Variants in PDE1C observed in about 807,000 individuals in gnomAD.
The protein encoded by PDE1C is phosphodiesterase 1C.
PDE1C carries 62 observed loss-of-function variants against 93.1 expected under a neutral mutation model. The observed-to-expected ratio is 0.67, with a 90% CI of 0.54 to 0.82. The LOEUF (loss-of-function observed/expected upper bound fraction) is 0.82, where lower values mean the gene tolerates loss of function less well. Among genes scored for constraint, PDE1C ranks in the 40% least tolerant of loss-of-function variants. The probability of loss-of-function intolerance (pLI) is 0.00; values close to 1 mark genes in which losing one functional copy is unlikely to be tolerated. For synonymous variants in PDE1C, 325 were observed against 310.1 expected (o/e 1.05, Z -0.50); for missense variants, 742 against 884.6 (o/e 0.84, Z 2.04).
chr7:31,848,126 T>G, intron 8 of PDE1C, 30 bp from the exon 9 acceptor site: 2 of 1,607,764 alleles, frequency 1.2e-6, no homozygotes, highest in Non-Finnish European at 1.7e-6. Context: ...AAATTCAGAA[T>G]GTTAAACAGT....
At chr7:31,847,655 G>A (rs1792802561) in intron 9 of PDE1C, among the ~76,000 whole-genome samples, 1 of 151,974 alleles carries the variant, frequency 6.6e-6, no homozygotes, top group Admixed American at 6.6e-5. Flanking sequence ...TGAATTATTT[G>A]ACTCAAACTG....
intron 1 of PDE1C, among the ~76,000 whole-genome samples, chr7:32,257,731 A>C (rs954237717): frequency 6.6e-6 from 1 of 152,194 alleles, no homozygotes; most frequent in African/African-American, 2.4e-5. Flanking sequence ...AATCACTTCA[A>C]TTGTCCAAAC....
chr7:31,829,145 C>G (rs1790068015), intron 11 of PDE1C, among the ~76,000 whole-genome samples: 1 of 152,066 alleles, frequency 6.6e-6, no homozygotes, highest in Admixed American at 6.6e-5. Flanking sequence ...TGTGCTAATT[C>G]ATTTTACTGG....
rs551317191 is a variant in PDE1C at position 31,863,371 on chromosome 7, T to C, written c.750+1571A>G. ...GAGATGATCACATTATTTCACAGAA[T>C]ATATCTTCAACTTTTGAAGATATCA... On this transcript the variant is annotated intron_variant, in intron 7 of 17. Transcript: ENST00000396191. 7.0e-4 allele frequency among the ~76,000 whole-genome samples: 106 copies of C among 152,318 alleles called. 2 individuals are homozygous for C. Among genetic ancestry groups the C allele is most frequent in the African/African-American group, 2.4e-3 (99 of 41,568 alleles).
At chr7:31,837,848 C>T (rs1384806424) in intron 10 of PDE1C, 22 bp downstream of exon 10, 1 of 1,564,448 alleles carries the variant, frequency 6.4e-7, no homozygotes, top group African/African-American at 1.3e-5. Flanking sequence ...CAAACAAAAA[C>T]ACAAGCCACA....
chr7:32,274,711 T>G (rs760402241), intron 1 of PDE1C, among the ~76,000 whole-genome samples: 5 of 152,146 alleles, frequency 3.3e-5, no homozygotes, highest in African/African-American at 1.2e-4. Flanking sequence ...GGGACAAACT[T>G]GAAAGTAGGG....
chr7:31,757,728 A>T (rs1168942111), intron 17 of PDE1C, among the ~76,000 whole-genome samples: 1 of 152,234 alleles, frequency 6.6e-6, no homozygotes, highest in Non-Finnish European at 1.5e-5. Flanking sequence ...CCATTGTGGA[A>T]GACAGTGTGG....
the PDE1C span, among the ~76,000 whole-genome samples, chr7:31,704,751 G>A: frequency 9.2e-5 from 14 of 152,256 alleles, no homozygotes; most frequent in African/African-American, 3.1e-4. Context: ...TGAGGCTCAG[G>A]TAGGTTAAGT....
chr7:31,957,814 T>C (rs933475229), intron 2 of PDE1C, among the ~76,000 whole-genome samples: 1 of 152,034 alleles, frequency 6.6e-6, no homozygotes, highest in Non-Finnish European at 1.5e-5. Context: ...AGGTAGAAAA[T>C]ATCATCTGTT....
At chr7:31,675,147 C>T in the PDE1C span, among the ~76,000 whole-genome samples, 45 of 152,278 alleles carry the variant, frequency 3.0e-4, no homozygotes, top group Middle Eastern at 3.4e-3. Context: ...GCTTTGGTCA[C>T]GGGCTTCAGA....
chr7:31,640,384 A>G, the PDE1C span, among the ~76,000 whole-genome samples: 1 of 152,164 alleles, frequency 6.6e-6, no homozygotes, highest in Non-Finnish European at 1.5e-5. Context: ...GAGACCCTCT[A>G]GAGTTCTCTC....
intron 2 of PDE1C, among the ~76,000 whole-genome samples, chr7:32,177,355 A>C (rs900416058): frequency 6.6e-6 from 1 of 152,146 alleles, no homozygotes; most frequent in Non-Finnish European, 1.5e-5. Flanking sequence ...CCGTGGGTGT[A>C]TTCACCATGT....
intron 1 of PDE1C, among the ~76,000 whole-genome samples, chr7:32,069,987 A>C (rs933364953): frequency 2.0e-5 from 3 of 152,198 alleles, no homozygotes; most frequent in African/African-American, 7.2e-5. Flanking sequence ...CTCCCTGGGC[A>C]AAAAGGATCA....
intron 12 of PDE1C, among the ~76,000 whole-genome samples, chr7:31,827,201 C>T (rs1042739984): frequency 6.6e-6 from 1 of 152,104 alleles, no homozygotes; most frequent in East Asian, 1.9e-4. Flanking sequence ...TTAGAATTTG[C>T]TGACCATACC....
intron 16 of PDE1C, chr7:31,786,961 T>TATC (rs1784064449): frequency 1.0e-5 from 1 of 99,840 alleles, no homozygotes; most frequent in African/African-American, 4.2e-5. Context: ...ATCTATCATC[T>TATC]ATCTATCTAT....
chr7:31,658,700 G>C, the PDE1C span: 1 of 165,894 alleles, frequency 6.0e-6, no homozygotes, highest in South Asian at 1.8e-4. Flanking sequence ...CCCAAACTCA[G>C]CCTCTAATTG....
the PDE1C span, chr7:31,658,727 T>C: frequency 6.2e-6 from 1 of 160,384 alleles, no homozygotes; most frequent in African/African-American, 2.4e-5. Context: ...CTTAAAACAT[T>C]GGCAGATCAG....
chr7:31,631,458 C>T, the PDE1C span, among the ~76,000 whole-genome samples: 145 of 152,232 alleles, frequency 9.5e-4, no homozygotes, highest in Middle Eastern at 3.4e-3. Context: ...CATTTTCTTA[C>T]GTGGTTAGGT....
At chr7:31,697,834 CTAAT>C in the PDE1C span, among the ~76,000 whole-genome samples, 3 of 152,076 alleles carry the variant, frequency 2.0e-5, no homozygotes, top group Non-Finnish European at 2.9e-5. Flanking sequence ...AATTAACTGA[CTAAT>C]ATAATAGAGA....
Sources: gnomAD v4.1 joint callset for allele counts (sites outside exome capture counted in the v4.1 genomes callset) on GRCh38, gnomAD v4.1.1 for gene constraint, MANE v1.5 for transcripts, NCBI Gene and HGNC (gene_info 2026-07-23, HGNC 2026-07-21) for gene names.